SYT9: variants seen among roughly 807,000 people sequenced by gnomAD.
The protein encoded by SYT9 is synaptotagmin 9, also known as synaptotagmin-9.
In SYT9, 22 loss-of-function variants were observed where a neutral mutation model predicts 48.4. That is an observed-to-expected ratio of 0.45 (90% CI 0.32 to 0.65). The LOEUF is 0.65. SYT9 is among the 30% of genes least tolerant of loss of function. The probability of loss-of-function intolerance (pLI) is 0.03; values close to 1 mark genes in which losing one functional copy is unlikely to be tolerated. For synonymous variants in SYT9, 265 were observed against 245.0 expected (o/e 1.08, Z -0.76); for missense variants, 577 against 622.0 (o/e 0.93, Z 0.77).
chr11:7,425,858 C>T (rs1847447106), intron 6 of SYT9, among the ~76,000 whole-genome samples: 3 of 152,116 alleles, frequency 2.0e-5, no homozygotes, highest in Non-Finnish European at 4.4e-5. Flanking sequence ...GAGGTGCTCC[C>T]CCCCAATATA....
At chr11:7,450,436 C>T (rs1298155672) in intron 6 of SYT9, 3 of 152,196 alleles carry the variant, frequency 2.0e-5, no homozygotes, top group African/African-American at 4.8e-5. Flanking sequence ...GCTTCTTCAG[C>T]TCGGTCCTGG....
At position 7,351,559 on chromosome 11, in the gene SYT9, A is replaced by G. The variant is rs549011755; in HGVS notation, c.1044+37618A>G. Among the ~76,000 whole-genome samples, 10 of 152,294 alleles carry G rather than the reference A, an allele frequency of 6.6e-5. No individual in the cohort carries two copies. In the South Asian group the frequency reaches 8.3e-4, roughly 13 times the overall value. The stretch of plus-strand genomic sequence containing the variant: ...CATTGATTTTATGGGGAAAGAAAGC[A>G]TCTCCTTTTGTAAACACCACACCAG... On this transcript the variant is annotated intron_variant, in intron 3 of 6. Coordinates refer to ENST00000318881, the MANE Select transcript of SYT9 (RefSeq NM_175733.4).
In SYT9 at chr11:7,252,232, C is replaced by T; in HGVS notation, c.46C>T (p.Leu16=). The T allele has an allele frequency of 1.3e-6, 2 of 1,497,270 alleles. No homozygotes were observed. The highest frequency in any genetic ancestry group is 2.5e-5 in the South Asian group (2 of 78,678). 92.7% of individuals were successfully genotyped at this position (1,497,270 alleles called of 1,614,324 possible). A position where few individuals can be genotyped will look rare whatever the true frequency, so the allele number is the denominator to read the frequency against. The change falls in exon 1 of 7, where the codon CTG becomes TTG. Residue 16 remains leucine, a synonymous_variant. Transcript: ENST00000318881. This position sits in a 1 kb window ranked among gnomAD's most constrained non-coding sequence, Gnocchi z 6.3. ...GCTCTGTCACCAGGCGCTGCAGCTG[C>T]TGGCCGAGCTCTGTGCCCGTGGGGC... ...DALCHQALQL[L]AELCARGALE...
At chr11:7,308,545 C>A (rs1227240659) in intron 2 of SYT9, among the ~76,000 whole-genome samples, 1 of 152,170 alleles carries the variant, frequency 6.6e-6, no homozygotes, top group African/African-American at 2.4e-5. Flanking sequence ...GAGGTAGGAC[C>A]AAGATGCAAA....
intron 3 of SYT9, among the ~76,000 whole-genome samples, chr11:7,410,285 A>G (rs1400520122): frequency 1.3e-5 from 2 of 152,180 alleles, no homozygotes; most frequent in African/African-American, 4.8e-5. Context: ...AGAATGTTTC[A>G]TCTGCTTAGA....
intron 6 of SYT9, among the ~76,000 whole-genome samples, chr11:7,452,109 T>G (rs1211187000): frequency 1.6e-5 from 2 of 125,598 alleles, no homozygotes; most frequent in Non-Finnish European, 3.2e-5. Flanking sequence ...AATAGAGGTT[T>G]ATATTTAAAA....
intron 6 of SYT9, among the ~76,000 whole-genome samples, chr11:7,434,301 G>A (rs1847662103): frequency 6.6e-6 from 1 of 152,150 alleles, no homozygotes; most frequent in Non-Finnish European, 1.5e-5. Context: ...TGAGCATCTC[G>A]TGCTCCCAAC....
chr11:7,376,120 A>G (rs1589982011), intron 3 of SYT9, among the ~76,000 whole-genome samples: 1 of 150,188 alleles, frequency 6.7e-6, no homozygotes, highest in South Asian at 2.1e-4. Flanking sequence ...TGACAACTCT[A>G]CTATGTCACA....
intron 3 of SYT9, among the ~76,000 whole-genome samples, chr11:7,367,884 G>A (rs1850282678): frequency 2.0e-5 from 3 of 152,182 alleles, no homozygotes; most frequent in African/African-American, 7.2e-5. Context: ...CATTTCCTAA[G>A]TTAACACTAA....
At position 7,301,437 on chromosome 11, in the gene SYT9, G is replaced by A. The variant is rs140523355; in HGVS notation, c.146-1602G>A. On this transcript the variant is annotated intron_variant, in intron 1 of 6. Coordinates refer to ENST00000318881, the MANE Select transcript of SYT9 (RefSeq NM_175733.4). ...GTAGTTGTTCAGCTTGACTCAGTAG[G>A]TAAGTGACTTGCAGGAGGGGTTCCC... 6.1e-3 allele frequency among the ~76,000 whole-genome samples: 924 copies of A among 152,292 alleles called. 10 individuals are homozygous for A. The highest frequency in any genetic ancestry group is 0.019 in the African/African-American group (778 of 41,556).
At chr11:7,445,473 C>T (rs1847909447) in intron 6 of SYT9, among the ~76,000 whole-genome samples, 1 of 152,100 alleles carries the variant, frequency 6.6e-6, no homozygotes, top group Non-Finnish European at 1.5e-5. Context: ...CCCCTCTGTA[C>T]CCCTCCTCCC....
intron 3 of SYT9, among the ~76,000 whole-genome samples, chr11:7,408,135 G>A (rs1178191384): frequency 6.8e-6 from 1 of 147,674 alleles, no homozygotes; most frequent in African/African-American, 2.7e-5. Context: ...TTGTTTTTTT[G>A]TTTGTTTGTT....
At chr11:7,316,870 C>T (rs983443789) in intron 3 of SYT9, among the ~76,000 whole-genome samples, 5 of 152,160 alleles carry the variant, frequency 3.3e-5, no homozygotes, top group African/African-American at 1.2e-4. Flanking sequence ...TTCAGTTGTC[C>T]GGTTTGACCA....
At chr11:7,426,191 G>T (rs183541058) in intron 6 of SYT9, among the ~76,000 whole-genome samples, 1 of 152,018 alleles carries the variant, frequency 6.6e-6, no homozygotes, top group Non-Finnish European at 1.5e-5. Flanking sequence ...AGGCTACCTC[G>T]TGGCATTGGC....
chr11:7,322,468 A>G (rs1396910874), intron 3 of SYT9, among the ~76,000 whole-genome samples: 1 of 152,084 alleles, frequency 6.6e-6, no homozygotes, highest in Non-Finnish European at 1.5e-5. Context: ...GAGTCCACTG[A>G]ATCTCACCCT....
intron 6 of SYT9, 69 bp from the exon 7 acceptor site, chr11:7,466,720 CAAA>C (rs369543339): frequency 2.5e-3 from 3,154 of 1,249,532 alleles, no homozygotes; most frequent in East Asian, 4.8e-3. Flanking sequence ...GACTCTGTCT[CAAA>C]AAAAAAAAAA....
chr11:7,432,577 AAAAAAATATATATACATAT>A (rs1564902006), intron 6 of SYT9, among the ~76,000 whole-genome samples: 61 of 9,162 alleles, frequency 6.7e-3, no homozygotes, highest in Non-Finnish European at 9.3e-3. Context: ...AAAAAAAAAA[AAAAAAATATATATACATAT>A]ATATATATAT....
At chr11:7,367,089 T>TC (rs1223321920) in intron 3 of SYT9, among the ~76,000 whole-genome samples, 3 of 105,690 alleles carry the variant, frequency 2.8e-5, no homozygotes, top group Non-Finnish European at 5.9e-5. Flanking sequence ...TTTTTTTTTT[T>TC]TTTTTTTTTC....
chr11:7,303,616 T>A (rs1291086209), intron 2 of SYT9, among the ~76,000 whole-genome samples: 1 of 152,236 alleles, frequency 6.6e-6, no homozygotes, highest in Non-Finnish European at 1.5e-5. Context: ...TGAAGTACTC[T>A]ATAAGAACTT....
Sources: allele counts gnomAD v4.1 joint callset (sites outside exome capture counted in the v4.1 genomes callset), GRCh38; gene constraint gnomAD v4.1.1; non-coding constraint Gnocchi (gnomAD v3.1); transcripts MANE v1.5; gene names NCBI Gene and HGNC (gene_info 2026-07-23, HGNC 2026-07-21).